Variants in TBL1X observed in about 807,000 individuals in gnomAD.
TBL1X encodes the protein F-box-like/WD repeat-containing protein TBL1X.
A neutral mutation model predicts 50.7 loss-of-function variants in TBL1X; 10 were observed. That is an observed-to-expected ratio of 0.20 (90% CI 0.12 to 0.33). The LOEUF (loss-of-function observed/expected upper bound fraction) is 0.33, where lower values mean the gene tolerates loss of function less well. TBL1X is among the 10% of genes least tolerant of loss of function. The probability of loss-of-function intolerance (pLI) is 1.00; values close to 1 mark genes in which losing one functional copy is unlikely to be tolerated. For missense variants in TBL1X, 340 were observed against 504.4 expected (o/e 0.67, Z 3.12); for synonymous variants, 190 against 214.7 (o/e 0.88, Z 1.01).
chrX:9,625,198 A>G (rs1404507800), intron 2 of TBL1X, among the ~76,000 whole-genome samples: 1 of 112,678 alleles, frequency 8.9e-6, no homozygotes. Context: ...TAAAAGTTTC[A>G]TCTTGCTTTC....
intron 5 of TBL1X, among the ~76,000 whole-genome samples, chrX:9,674,610 G>A (rs1490840092): frequency 2.0e-5 from 2 of 101,869 alleles, no homozygotes; most frequent in Non-Finnish European, 4.0e-5. Context: ...TGGCCAGGCT[G>A]GAGTGCAGTG....
At chrX:9,496,971 G>A (rs774398871) in intron 1 of TBL1X, among the ~76,000 whole-genome samples, 28 of 111,894 alleles carry the variant, frequency 2.5e-4, no homozygotes, top group Admixed American at 4.7e-4. Context: ...AAATTCCATC[G>A]TTGAAAACAT....
chrX:9,500,342 T>C (rs1453122873), intron 1 of TBL1X, among the ~76,000 whole-genome samples: 1 of 106,180 alleles, frequency 9.4e-6, no homozygotes, highest in East Asian at 3.0e-4. Flanking sequence ...CACCTATAAT[T>C]CCAGCACTTT....
chrX:9,553,919 G>A (rs2082282759), intron 2 of TBL1X, among the ~76,000 whole-genome samples: 3 of 111,978 alleles, frequency 2.7e-5, no homozygotes, highest in Non-Finnish European at 5.6e-5. Flanking sequence ...CTGTACAAGT[G>A]GGCAGGTTGT....
intron 2 of TBL1X, among the ~76,000 whole-genome samples, chrX:9,517,026 C>T (rs2082083671): frequency 2.7e-5 from 3 of 111,630 alleles, no homozygotes; most frequent in South Asian, 7.5e-4. Flanking sequence ...AAAACATCTT[C>T]GTTATAAACT....
At chrX:9,539,558 C>T (rs899123517) in intron 2 of TBL1X, among the ~76,000 whole-genome samples, 1 of 111,653 alleles carries the variant, frequency 9.0e-6, no homozygotes, top group Admixed American at 9.5e-5. Context: ...TCACTTTCCT[C>T]AGGAAGCCCG....
At chrX:9,713,491 C>T (rs949998359) in intron 16 of TBL1X, among the ~76,000 whole-genome samples, 2 of 95,709 alleles carry the variant, frequency 2.1e-5, no homozygotes, top group African/African-American at 8.0e-5. Context: ...ACAGTGATGC[C>T]ATCTCGGCCC....
intron 6 of TBL1X, among the ~76,000 whole-genome samples, chrX:9,685,375 C>T (rs1212804476): frequency 8.9e-6 from 1 of 111,913 alleles, no homozygotes; most frequent in East Asian, 2.8e-4. Flanking sequence ...ACTGCAGCCT[C>T]GACCTCCTGG....
intron 2 of TBL1X, among the ~76,000 whole-genome samples, chrX:9,564,592 G>A (rs1338241796): frequency 9.0e-6 from 1 of 111,077 alleles, no homozygotes; most frequent in African/African-American, 3.3e-5. Flanking sequence ...AATTAGCTGG[G>A]CGTGGTGGCG....
At chrX:9,573,901 C>G (rs1174453219) in intron 2 of TBL1X, among the ~76,000 whole-genome samples, 1 of 112,558 alleles carries the variant, frequency 8.9e-6, no homozygotes, top group East Asian at 2.8e-4. Context: ...GAGGATAGCC[C>G]CAGCTCCTGG....
At chrX:9,565,396 C>T (rs1164068540) in intron 2 of TBL1X, among the ~76,000 whole-genome samples, 7 of 109,186 alleles carry the variant, frequency 6.4e-5, no homozygotes, top group African/African-American at 1.3e-4. Flanking sequence ...TATGAGCTAT[C>T]GAAAACGTGG....
intron 2 of TBL1X, among the ~76,000 whole-genome samples, chrX:9,576,310 T>C: frequency 8.9e-6 from 1 of 112,313 alleles, no homozygotes. Flanking sequence ...GCCAGGCCTA[T>C]TGCAGGCAGC....
In TBL1X at chrX:9,662,574, G is replaced by A. The variant is rs187048184; in HGVS notation, c.211+8252G>A. 2.7e-5 allele frequency among the ~76,000 whole-genome samples: 3 copies of A among 111,940 alleles called. No individual in the cohort carries two copies. The East Asian group carries it at 8.4e-4, about 31-fold the overall frequency. ...TGGGGGATGGGGAGAAGCAGGGGAC[G>A]TGGAGTTGCTATTTAATGGGTACAG... On this transcript the variant is annotated intron_variant, in intron 5 of 17. Coordinates refer to ENST00000645353, the MANE Select transcript of TBL1X (RefSeq NM_005647.4).
chrX:9,697,791 AT>A (rs1213746008), intron 12 of TBL1X, among the ~76,000 whole-genome samples: 1 of 111,270 alleles, frequency 9.0e-6, no homozygotes, highest in Non-Finnish European at 1.9e-5. Context: ...AATAATAATA[AT>A]CCAAAATTAG....
At chrX:9,712,523 A>T (rs1390053806) in intron 16 of TBL1X, among the ~76,000 whole-genome samples, 1 of 111,738 alleles carries the variant, frequency 8.9e-6, no homozygotes, top group Non-Finnish European at 1.9e-5. Context: ...TTTTTAGTAG[A>T]GACAGGGTTT....
In TBL1X at chrX:9,488,778, C is replaced by T. The variant is rs375122905; in HGVS notation, c.-200-13002C>T. ...TATGTAACGTTTGTGTTTTGTCTCT[C>T]GAATAATTGAGAAATCTGGTACTGT... On this transcript the variant is annotated intron_variant, in intron 1 of 17. Coordinates refer to ENST00000645353, the MANE Select transcript of TBL1X (RefSeq NM_005647.4). Among the ~76,000 whole-genome samples, 3 of 110,555 alleles carry T rather than the reference C, an allele frequency of 2.7e-5. No individual in the cohort carries two copies. The East Asian group carries it at 8.5e-4, about 31-fold the overall frequency.
chrX:9,689,803 A>G (rs1013116788), intron 7 of TBL1X, among the ~76,000 whole-genome samples: 18 of 113,076 alleles, frequency 1.6e-4, no homozygotes, highest in African/African-American at 5.1e-4. Flanking sequence ...TGCCACATGC[A>G]GAAAGATGTT....
At chrX:9,525,261 T>A (rs1319749375) in intron 2 of TBL1X, among the ~76,000 whole-genome samples, 2 of 112,125 alleles carry the variant, frequency 1.8e-5, no homozygotes, top group Non-Finnish European at 3.8e-5. Flanking sequence ...GTTTTTGTTC[T>A]CCTTCCAAAT....
intron 7 of TBL1X, among the ~76,000 whole-genome samples, chrX:9,690,533 C>T (rs2083090446): frequency 8.9e-6 from 1 of 111,812 alleles, no homozygotes; most frequent in Non-Finnish European, 1.9e-5. Flanking sequence ...CCCTGCTCAC[C>T]TTTTCAAAAG....
Sources: allele counts gnomAD v4.1 joint callset (sites outside exome capture counted in the v4.1 genomes callset), GRCh38; gene constraint gnomAD v4.1.1; transcripts MANE v1.5; gene names NCBI Gene and HGNC (gene_info 2026-07-23, HGNC 2026-07-21).